UNC45A: variants seen among roughly 807,000 people sequenced by gnomAD.
The protein encoded by UNC45A is unc-45 myosin chaperone A.
In UNC45A, 78 loss-of-function variants were observed where a neutral mutation model predicts 103.2. The ratio of observed to expected loss-of-function variants is 0.76; its 90% CI spans 0.63 to 0.91. The LOEUF (loss-of-function observed/expected upper bound fraction) is 0.91. UNC45A is among the 40% of genes least tolerant of loss of function. The pLI is 0.00. For synonymous variants in UNC45A, 495 were observed against 504.6 expected (o/e 0.98, Z 0.25); for missense variants, 1,193 against 1,224.8 (o/e 0.97, Z 0.39).
At chr15:90,937,054 A>G (rs2036057801) in intron 4 of UNC45A, among the ~76,000 whole-genome samples, 1 of 152,232 alleles carries the variant, frequency 6.6e-6, no homozygotes, top group Admixed American at 6.5e-5. Flanking sequence ...TGAATGAACA[A>G]AGCAAAATAG....
At chr15:90,947,936 C>A in intron 11 of UNC45A, 46 bp downstream of exon 11, 1 of 1,566,526 alleles carries the variant, frequency 6.4e-7, no homozygotes, top group East Asian at 2.3e-5. Flanking sequence ...TGGGGTAGAT[C>A]TCAAGACACA....
At position 90,944,936 on chromosome 15, in the gene UNC45A, C is replaced by T. The variant is rs566664532; in HGVS notation, c.1072C>T (p.Pro358Ser). The T allele has an allele frequency of 2.5e-6, 4 of 1,612,412 alleles. No homozygotes were observed. The African/African-American group carries it at 5.3e-5, about 22-fold the overall frequency. ...LEVGGSLQDP[P>S]GELAVTANSR... ...AGTGGGGGGCTCTCTACAGGACCCT[C>T]CTGGGGAGCTCGCAGTGACCGCAAA... Residue 358 changes from proline (P) to serine (S), a missense_variant, in exon 9 of 20, where the codon CCT (proline) becomes TCT (serine). Transcript: ENST00000418476.
intron 10 of UNC45A, 194 bp from the exon 11 acceptor site, chr15:90,947,602 T>C (rs1342036262): frequency 5.0e-6 from 3 of 596,614 alleles, no homozygotes; most frequent in South Asian, 1.9e-5. Context: ...TGCTGTGTCA[T>C]GCGGCCACCC....
intron 6 of UNC45A, 102 bp from the exon 7 acceptor site, chr15:90,942,335 A>C: frequency 1.5e-6 from 2 of 1,357,544 alleles, no homozygotes; most frequent in Non-Finnish European, 1.0e-6. Flanking sequence ...CCTTCCACCC[A>C]ATTCTCTCCT....
At chr15:90,931,862 C>T (rs1219033640), upstream of UNC45A, 2 of 1,614,018 alleles carry the variant, frequency 1.2e-6, 1 homozygote, top group Admixed American at 3.3e-5. Flanking sequence ...CTCCACCAGG[C>T]GCCGCACTTG....
upstream of UNC45A, chr15:90,931,875 C>G: frequency 6.2e-7 from 1 of 1,614,064 alleles, no homozygotes; most frequent in Non-Finnish European, 8.5e-7. Flanking sequence ...CGCACTTGTG[C>G]CCCAAAGTGT....
chr15:90,942,452 A>G lies in UNC45A; in HGVS notation c.703A>G (p.Ser235Gly). ...CCCACCCCAGACAGTGGCAACCCTG[A>G]GCATACTGGGAACTCGGCGAGTAGT... ...EHQSRTVATLSILGTRRVVSI... is the reference protein window; with the variant it reads ...EHQSRTVATLGILGTRRVVSI... The change falls in exon 7 of 20, where the codon AGC becomes GGC. Residue 235 changes from serine to glycine, a missense_variant. Ser to Gly is a moderately conservative substitution (Grantham distance 56). Transcript: ENST00000418476. 1 of 1,612,884 alleles carries G rather than the reference A, an allele frequency of 6.2e-7. No homozygotes were observed. The highest frequency in any genetic ancestry group is 1.1e-5 in the South Asian group (1 of 90,972).
chr15:90,948,468 T>A, intron 12 of UNC45A, 185 bp downstream of exon 12: 1 of 1,272,538 alleles, frequency 7.9e-7, no homozygotes, highest in Non-Finnish European at 1.1e-6. Context: ...AGGACGTTCT[T>A]CTTGGAGGAG....
rs547139069 is a variant in UNC45A, at chr15:90,940,383, C to A, written c.597C>A (p.Leu199=). 17 of 1,614,168 alleles carry A rather than the reference C, an allele frequency of 1.1e-5. No individual in the cohort carries two copies. The South Asian group carries it at 1.8e-4, about 17-fold the overall frequency. ...EKIFRSNGVQ[L]LQRLLDMGET... ...TCTTCCGGAGTAATGGGGTTCAGCTCTTGCAACGTTTACTGGACATGGGAG... is the reference window on the plus strand; with the variant it reads ...TCTTCCGGAGTAATGGGGTTCAGCTATTGCAACGTTTACTGGACATGGGAG... Residue 199 remains leucine, a synonymous_variant, in exon 6 of 20, where the codon CTC becomes CTA. Transcript: ENST00000418476.
At chr15:90,945,205 T>C in intron 9 of UNC45A, 142 bp downstream of exon 9, 1 of 1,217,682 alleles carries the variant, frequency 8.2e-7, no homozygotes, top group South Asian at 1.6e-5. Context: ...AAAGGGAAAG[T>C]GGCCCCAAGG....
chr15:90,946,446 A>G (rs1207944138), intron 9 of UNC45A, among the ~76,000 whole-genome samples, 168 bp from the exon 10 acceptor site: 3 of 152,202 alleles, frequency 2.0e-5, no homozygotes, highest in Non-Finnish European at 4.4e-5. Flanking sequence ...TCGATAAAGA[A>G]AATCAGCCAT....
At position 90,944,960 on chromosome 15, in the gene UNC45A, A is replaced by G. The variant is rs777956886; in HGVS notation, c.1096A>G (p.Asn366Asp). Reference sequence around the variant, plus strand: ...TCCTGGGGAGCTCGCAGTGACCGCAAACAGCCGCATGAGCGCCTCTATTCT... The same window carrying G: ...TCCTGGGGAGCTCGCAGTGACCGCAGACAGCCGCATGAGCGCCTCTATTCT... ...DPPGELAVTA[N>D]SRMSASILLS... is the part of the protein sequence containing the mutation. The change falls in exon 9 of 20, where the codon AAC (asparagine) becomes GAC (aspartate). Residue 366 changes from asparagine to aspartate, a missense_variant. Asn to Asp is a conservative substitution (Grantham distance 23). Transcript: ENST00000418476. 3 of 1,612,748 alleles carry G rather than the reference A, an allele frequency of 1.9e-6. No homozygotes were observed. The highest frequency in any genetic ancestry group is 1.7e-5 in the Admixed American group (1 of 60,034).
Position 90,946,828 on chromosome 15 carries a change from T to A in UNC45A, c.1414T>A (p.Ser472Thr). Residue 472 changes from serine (S) to threonine (T), a missense_variant, in exon 10 of 20, where the codon TCA becomes ACA. Ser to Thr is a moderately conservative substitution (Grantham distance 58). Transcript: ENST00000418476. ...TGCAGCCGGCAAGGCTAAGCGGGCC[T>A]CATTCATCACTGCCAATGGTGTCTC... ...IHAAGKAKRA[S>T]FITANGVSLL... 1 of 1,613,994 alleles carries A rather than the reference T, an allele frequency of 6.2e-7. No homozygotes were observed. Among genetic ancestry groups the A allele is most frequent in the Non-Finnish European group, 8.5e-7 (1 of 1,179,928 alleles).
Position 90,939,751 on chromosome 15 carries a change from G to A in UNC45A, c.447G>A (p.Thr149=), listed in dbSNP as rs773418072. The A allele has an allele frequency of 8.7e-6, 14 of 1,614,074 alleles. No individual in the cohort carries two copies. The highest frequency in any genetic ancestry group is 1.3e-5 in the African/African-American group (1 of 74,934). The change falls in exon 5 of 20, where the codon ACG becomes ACA. Residue 149 remains threonine, a synonymous_variant. Coordinates refer to ENST00000418476, the MANE Select transcript of UNC45A (RefSeq NM_018671.5). ...TCTAGGTGCGATACATGTCCTCGACGGATGCCAAAGTGGAACAGATGTTTC... is the reference window on the plus strand; with the variant it reads ...TCTAGGTGCGATACATGTCCTCGACAGATGCCAAAGTGGAACAGATGTTTC... ...IQEKVRYMSS[T]DAKVEQMFQI...
Position 90,946,757 on chromosome 15 carries a change from C to G in UNC45A, c.1343C>G (p.Ser448Cys), listed in dbSNP as rs1215311581. 1 of 1,614,144 alleles carries G rather than the reference C, an allele frequency of 6.2e-7. No individual in the cohort carries two copies. The highest frequency in any genetic ancestry group is 2.2e-5 in the East Asian group (1 of 44,882). ...GAGAGTGTGATTGCTCTGTGTGCCT[C>G]TGAGCAGGAGGAGGAGCAGCTGGTG... ...VMESVIALCA[S>C]EQEEEQLVAV... Residue 448 changes from serine to cysteine, a missense_variant, in exon 10 of 20, where the codon TCT (serine) becomes TGT (cysteine). Physicochemically the swap from Ser to Cys is moderately radical, Grantham distance 112. Coordinates refer to ENST00000418476, the MANE Select transcript of UNC45A (RefSeq NM_018671.5).
intron 9 of UNC45A, among the ~76,000 whole-genome samples, chr15:90,945,678 C>A (rs941407336): frequency 2.8e-5 from 4 of 145,186 alleles, no homozygotes; most frequent in African/African-American, 1.0e-4. Flanking sequence ...GTTGCCCAGG[C>A]TGGAGTACAA....
intron 10 of UNC45A, chr15:90,947,283 G>A (rs532021636): frequency 1.6e-4 from 44 of 278,824 alleles, no homozygotes; most frequent in Non-Finnish European, 2.1e-4. Context: ...GGGCCTGCAG[G>A]GGTCATGCAG....
chr15:90,942,659 G>C lies in UNC45A; in HGVS notation c.856+54G>C, dbSNP rs986089120. 1.9e-6 allele frequency: 3 copies of C among 1,611,836 alleles called. No homozygotes were observed. In the Admixed American group the frequency reaches 5.0e-5, roughly 27 times the overall value. On this transcript the variant is annotated intron_variant, in intron 7 of 19. Coordinates refer to ENST00000418476, the MANE Select transcript of UNC45A (RefSeq NM_018671.5). ...GGACGTTACTGTCATGGAAGGGATG[G>C]GGCTGAGCCAGCCAGGCCAGTTTTT...
rs376634933 is a variant in UNC45A at position 90,946,963 on chromosome 15, C to G, written c.1500+49C>G. ...GTGGGCAGGCAGCCAGGCAGGGGTC[C>G]TGGTCCAGCCGGTGTTGCAGGGTGT... On this transcript the variant is annotated intron_variant, in intron 10 of 19. Coordinates refer to ENST00000418476, the MANE Select transcript of UNC45A (RefSeq NM_018671.5). The G allele has an allele frequency of 3.2e-6, 5 of 1,562,668 alleles. No homozygotes were observed. In the African/African-American group the frequency reaches 6.7e-5, roughly 21 times the overall value.
Sources: gnomAD v4.1 joint callset for allele counts (sites outside exome capture counted in the v4.1 genomes callset) on GRCh38, gnomAD v4.1.1 for gene constraint, MANE v1.5 for transcripts, NCBI Gene and HGNC (gene_info 2026-07-23, HGNC 2026-07-21) for gene names.